The following TTLL6 variants were observed in gnomAD, a reference collection of about 807,000 sequenced individuals.
TTLL6 encodes tubulin tyrosine ligase like 6.
TTLL6 carries 75 observed loss-of-function variants against 96.4 expected under a neutral mutation model. The ratio of observed to expected loss-of-function variants is 0.78; its 90% CI spans 0.65 to 0.94. The LOEUF (loss-of-function observed/expected upper bound fraction) is 0.94. Among genes scored for constraint, TTLL6 ranks in the 40% least tolerant of loss-of-function variants. The pLI is 0.00. For missense variants in TTLL6, 1,030 were observed against 1,093.0 expected (o/e 0.94, Z 0.81); for synonymous variants, 411 against 419.4 (o/e 0.98, Z 0.24).
intron 13 of TTLL6, among the ~76,000 whole-genome samples, chr17:48,774,532 GAGAA>G (rs1188483967): frequency 6.6e-6 from 1 of 151,796 alleles, no homozygotes; most frequent in Non-Finnish European, 1.5e-5. Flanking sequence ...AAGTAAAAAA[GAGAA>G]AGAATAAGGA....
chr17:48,795,995 T>C, intron 8 of TTLL6, 66 bp downstream of exon 8: 1 of 1,342,396 alleles, frequency 7.4e-7, no homozygotes. Context: ...AGGGTTTGGG[T>C]AGAATCCCAG....
At chr17:48,767,210 C>T (rs1024617991) in intron 15 of TTLL6, among the ~76,000 whole-genome samples, 1 of 152,096 alleles carries the variant, frequency 6.6e-6, no homozygotes. Context: ...ACCTATTACC[C>T]ATATTTAAAA....
chr17:48,792,109 G>A (rs559858658), intron 8 of TTLL6, among the ~76,000 whole-genome samples: 1 of 152,294 alleles, frequency 6.6e-6, no homozygotes, highest in South Asian at 2.1e-4. Flanking sequence ...GCACCCAAGG[G>A]CATGTCCACA....
In TTLL6 at chr17:48,769,117, T is replaced by C. The variant is rs1387611540; in HGVS notation, c.2548A>G (p.Thr850Ala). ...VTLRDLLVIA[T>A]PAQLDPRPCR... ...GGCCTTGGATCCAGTTGGGCTGGAG[T>C]GGCAATCACCAGCAGGTCCCTCAGA... Residue 850 changes from threonine (T) to alanine (A), a missense_variant, in exon 15 of 16, where the codon ACT becomes GCT. Physicochemically the swap from Thr to Ala is moderately conservative, Grantham distance 58 (BLOSUM62 0). Coordinates refer to ENST00000393382, the MANE Select transcript of TTLL6 (RefSeq NM_001130918.3). 9 of 1,614,100 alleles carry C rather than the reference T, an allele frequency of 5.6e-6. No individual in the cohort carries two copies. The highest frequency in any genetic ancestry group is 7.6e-6 in the Non-Finnish European group (9 of 1,180,010).
chr17:48,773,305 CTCAAATTT>C (rs1033521089), intron 13 of TTLL6, among the ~76,000 whole-genome samples: 2 of 152,150 alleles, frequency 1.3e-5, no homozygotes, highest in Admixed American at 6.5e-5. Flanking sequence ...CAATAAATTT[CTCAAATTT>C]GGTGAAAGCC....
intron 1 of TTLL6, among the ~76,000 whole-genome samples, chr17:48,808,444 C>T (rs2039536351): frequency 6.6e-6 from 1 of 151,922 alleles, no homozygotes; most frequent in Non-Finnish European, 1.5e-5. Flanking sequence ...TGCATATTCC[C>T]ATGTTGCTTC....
chr17:48,769,156 T>G lies in TTLL6; in HGVS notation c.2509A>C (p.Ser837Arg). 3 of 1,614,150 alleles carry G rather than the reference T, an allele frequency of 1.9e-6. No individual in the cohort carries two copies. In the South Asian group the frequency reaches 3.3e-5, roughly 18 times the overall value. ...AGGTCCCTCAGAGTAACATTATAGC[T>G]CTGAGGACTCTGCAAGAGGAGGGAG... ...VSSLLLQSPQSYNVTLRDLLV... is the reference protein window; with the variant it reads ...VSSLLLQSPQRYNVTLRDLLV... The change falls in exon 15 of 16, where the codon AGC becomes CGC. Residue 837 changes from serine to arginine, a missense_variant. Ser to Arg is a moderately radical substitution (Grantham distance 110). Coordinates refer to ENST00000393382, the MANE Select transcript of TTLL6 (RefSeq NM_001130918.3).
At chr17:48,769,610 T>C in intron 14 of TTLL6, 118 bp downstream of exon 14, 1 of 1,315,034 alleles carries the variant, frequency 7.6e-7, no homozygotes, top group Non-Finnish European at 1.0e-6. Flanking sequence ...GGGGTTTCCC[T>C]GAAGACAGGG....
rs2039479359 is a variant in TTLL6, at chr17:48,804,698, C to T, written c.323+74G>A. The T allele has an allele frequency of 8.5e-6, 11 of 1,296,918 alleles. No individual in the cohort carries two copies. In the Admixed American group the frequency reaches 2.2e-4, roughly 26 times the overall value. The allele number at this position is 1,296,918 out of a possible 1,614,324, so 80.3% of individuals were successfully genotyped here. ...TCTCCTTTACTCTCTCATCATCAGC[C>T]AAGACCCCCTTCCCTCCAAGTCCTT... On this transcript the variant is annotated intron_variant, in intron 2 of 15. Transcript: ENST00000393382.
rs1313707181 is a variant in TTLL6 at position 48,799,670 on chromosome 17, G to T, written c.702C>A (p.Phe234Leu). ...PDSGCQGKGI[F>L]ITRTVKEIKP... is the part of the protein sequence containing the mutation. ...TGATTTCTTTCACTGTCCGGGTGAT[G>T]AATATACCTTTCCCTTGGCAGCCCG... The change falls in exon 6 of 16, where the codon TTC becomes TTA. Residue 234 changes from phenylalanine to leucine, a missense_variant. Physicochemically the swap from Phe to Leu is conservative, Grantham distance 22. Transcript: ENST00000393382. 1 of 1,551,866 alleles carries T rather than the reference G, an allele frequency of 6.4e-7. No individual in the cohort carries two copies. The highest frequency in any genetic ancestry group is 2.4e-5 in the East Asian group (1 of 40,932).
intron 13 of TTLL6, among the ~76,000 whole-genome samples, chr17:48,774,459 C>T (rs527339581): frequency 2.0e-5 from 3 of 151,480 alleles, no homozygotes; most frequent in South Asian, 2.1e-4. Flanking sequence ...CCACTATGCC[C>T]GGCCCAAAAT....
chr17:48,812,513 G>A (rs934369238), intron 1 of TTLL6, among the ~76,000 whole-genome samples: 4 of 152,206 alleles, frequency 2.6e-5, no homozygotes, highest in African/African-American at 7.2e-5. Context: ...TTCCTCATCT[G>A]TAAAGTGGCT....
At chr17:48,790,768 T>G (rs1426120480) in intron 9 of TTLL6, among the ~76,000 whole-genome samples, 1 of 152,190 alleles carries the variant, frequency 6.6e-6, no homozygotes, top group Non-Finnish European at 1.5e-5. Context: ...GAGTCTGACC[T>G]GTGTCACTGC....
rs1372580900 is a variant in TTLL6, at chr17:48,796,169, G to T, written c.913-23C>A. 1.9e-6 allele frequency: 3 copies of T among 1,543,112 alleles called. No individual in the cohort carries two copies. In the South Asian group the frequency reaches 3.6e-5, roughly 18 times the overall value. On this transcript the variant is annotated intron_variant, in intron 7 of 15. Coordinates refer to ENST00000393382, the MANE Select transcript of TTLL6 (RefSeq NM_001130918.3). ...ATCCTGGGGAAAAAGACACACATCT[G>T]TCGGGTCAGCTCGGAAGGGCAGGCC...
intron 13 of TTLL6, among the ~76,000 whole-genome samples, chr17:48,777,576 C>G (rs1016585281): frequency 1.3e-5 from 2 of 151,954 alleles, no homozygotes; most frequent in Non-Finnish European, 2.9e-5. Flanking sequence ...ACTAAAAATA[C>G]AAAAATTAGC....
intron 13 of TTLL6, among the ~76,000 whole-genome samples, chr17:48,781,623 C>T (rs1473185025): frequency 1.3e-5 from 2 of 151,980 alleles, no homozygotes; most frequent in East Asian, 1.9e-4. Context: ...TTGTTCAAGT[C>T]CTTTGTCTAT....
At position 48,805,011 on chromosome 17, in the gene TTLL6, A is replaced by C; in HGVS notation, c.104-20T>G. The C allele has an allele frequency of 6.5e-7, 1 of 1,540,124 alleles. No individual in the cohort carries two copies. Among genetic ancestry groups the C allele is most frequent in the South Asian group, 1.2e-5 (1 of 83,798 alleles). On this transcript the variant is annotated intron_variant, in intron 1 of 15. Transcript: ENST00000393382. ...AGGCCCCTAGAGAGAGGGCAGAGGG[A>C]GCCGCAGTTACAGAGATCCACCTGC...
intron 8 of TTLL6, among the ~76,000 whole-genome samples, chr17:48,792,926 T>G (rs959590585): frequency 6.6e-6 from 1 of 152,234 alleles, no homozygotes; most frequent in Admixed American, 6.5e-5. Flanking sequence ...AACCTTTTCT[T>G]GATGACTCAG....
intron 13 of TTLL6, among the ~76,000 whole-genome samples, chr17:48,783,012 C>G (rs912941479): frequency 2.0e-5 from 3 of 152,048 alleles, no homozygotes; most frequent in Non-Finnish European, 4.4e-5. Flanking sequence ...TGCACCTAGC[C>G]TTAACTGGTA....
Sources: allele counts gnomAD v4.1 joint callset (sites outside exome capture counted in the v4.1 genomes callset), GRCh38; gene constraint gnomAD v4.1.1; transcripts MANE v1.5; gene names NCBI Gene and HGNC (gene_info 2026-07-23, HGNC 2026-07-21).